Variants in KIAA0586 observed in about 807,000 individuals in gnomAD.
The protein encoded by KIAA0586 is KIAA0586, also known as protein TALPID3.
A neutral mutation model predicts 169.8 loss-of-function variants in KIAA0586; 144 were observed. That is an observed-to-expected ratio of 0.85 (90% confidence interval 0.74 to 0.97). The LOEUF (loss-of-function observed/expected upper bound fraction) is 0.97. Among genes scored for constraint, KIAA0586 ranks in the 50% least tolerant of loss-of-function variants. The probability of loss-of-function intolerance (pLI) is 0.00; values close to 1 mark genes in which losing one functional copy is unlikely to be tolerated. For missense variants in KIAA0586, 1,854 were observed against 1,823.0 expected (o/e 1.02, Z -0.31); for synonymous variants, 625 against 612.4 (o/e 1.02, Z -0.30).
the KIAA0586 span, among the ~76,000 whole-genome samples, chr14:58,557,969 G>C: frequency 7.6e-6 from 1 of 132,310 alleles, no homozygotes; most frequent in East Asian, 2.2e-4. Context: ...GAGTGCAGTG[G>C]TGTGATCTTG....
At chr14:58,468,433 T>A (rs2040943917) in intron 16 of KIAA0586, among the ~76,000 whole-genome samples, 1 of 152,222 alleles carries the variant, frequency 6.6e-6, no homozygotes, top group African/African-American at 2.4e-5. Context: ...TCTAGGCCAA[T>A]GACTTATATA....
At position 58,498,949 on chromosome 14, in the gene KIAA0586, A is replaced by G. The variant is rs1355163665; in HGVS notation, c.4157A>G (p.Asp1386Gly). Reference sequence around the variant, plus strand: ...CCTAAACCATTATCTCGGCAATTTGACACAGTTTCAGGTAGACACCAAAAT... The same window carrying G: ...CCTAAACCATTATCTCGGCAATTTGGCACAGTTTCAGGTAGACACCAAAAT... The part of the protein sequence containing the change: ...CDPKPLSRQF[D>G]TVSGSIYEDS... The change falls in exon 27 of 31, where the codon GAC becomes GGC. Residue 1386 changes from aspartate to glycine, a missense_variant. Coordinates refer to ENST00000652326, the MANE Select transcript of KIAA0586 (RefSeq NM_001329943.3). 1 of 1,600,336 alleles carries G rather than the reference A, an allele frequency of 6.2e-7. No individual in the cohort carries two copies. Among genetic ancestry groups the G allele is most frequent in the Non-Finnish European group, 8.5e-7 (1 of 1,173,258 alleles).
intron 1 of KIAA0586, among the ~76,000 whole-genome samples, chr14:58,428,700 A>AT (rs1220850578): frequency 1.5e-3 from 138 of 92,732 alleles, no homozygotes; most frequent in Middle Eastern, 5.9e-3. Context: ...ACTTTTGCAT[A>AT]TTTTTTTTTT....
Position 58,474,631 on chromosome 14 carries a change from C to G in KIAA0586, c.2659C>G (p.Pro887Ala), listed in dbSNP as rs774294270. The G allele has an allele frequency of 3.2e-6, 5 of 1,584,258 alleles. No individual in the cohort carries two copies. In the East Asian group the frequency reaches 1.1e-4, roughly 36 times the overall value. ...GGAAGAAGAAAAATGTGATGAAATTCCAGACTCTGAACCAATTCTGGAGTT... is the reference window on the plus strand; with the variant it reads ...GGAAGAAGAAAAATGTGATGAAATTGCAGACTCTGAACCAATTCTGGAGTT... ...IQEEEKCDEI[P>A]DSEPILEFNR... is the part of the protein sequence containing the mutation. Residue 887 changes from proline (P) to alanine (A), a missense_variant, in exon 19 of 31, where the codon CCA becomes GCA. Transcript: ENST00000652326.
intron 20 of KIAA0586, among the ~76,000 whole-genome samples, chr14:58,479,099 A>G (rs2041857080): frequency 6.6e-6 from 1 of 152,212 alleles, no homozygotes; most frequent in Non-Finnish European, 1.5e-5. Flanking sequence ...AGAAACTGCT[A>G]AACATTTCCA....
chr14:58,435,916 C>G (rs1423013461), intron 4 of KIAA0586, among the ~76,000 whole-genome samples: 1 of 152,062 alleles, frequency 6.6e-6, no homozygotes, highest in Non-Finnish European at 1.5e-5. Flanking sequence ...GCCATGTTAG[C>G]CAGGCTGGTC....
At position 58,427,863 on chromosome 14, in the gene KIAA0586, T is replaced by A. The variant is rs1173415204; in HGVS notation, c.-402T>A. Reference sequence around the variant, plus strand: ...AAAGCTATTACGCTTCTTATGTGGGTCATTATTTTAAAAATAGCATTTCGC... The same window carrying A: ...AAAGCTATTACGCTTCTTATGTGGGACATTATTTTAAAAATAGCATTTCGC... On this transcript the variant is annotated 5_prime_UTR_variant, in exon 1 of 31. Coordinates refer to ENST00000652326, the MANE Select transcript of KIAA0586 (RefSeq NM_001329943.3). The A allele has an allele frequency of 7.2e-7, 1 of 1,379,694 alleles. No homozygotes were observed. The highest frequency in any genetic ancestry group is 9.5e-7 in the Non-Finnish European group (1 of 1,052,472). 85.5% of individuals were successfully genotyped at this position (1,379,694 alleles called of 1,614,324 possible). A position where few individuals can be genotyped will look rare whatever the true frequency, so the allele number is the denominator to read the frequency against.
chr14:58,463,957 C>A, intron 14 of KIAA0586: 1 of 439,154 alleles, frequency 2.3e-6, no homozygotes. Context: ...AGACTGACCC[C>A]AAGACCTTGC....
chr14:58,428,652 C>T (rs1339690885), intron 1 of KIAA0586, among the ~76,000 whole-genome samples, 189 bp downstream of exon 1: 2 of 147,470 alleles, frequency 1.4e-5, no homozygotes, highest in African/African-American at 5.0e-5. Context: ...GAAACTTTAA[C>T]GTCCCCTGTT....
At chr14:58,470,537 A>G (rs1378043055) in intron 16 of KIAA0586, 76 bp from the exon 17 acceptor site, 5 of 805,056 alleles carry the variant, frequency 6.2e-6, no homozygotes, top group Non-Finnish European at 1.0e-5. Flanking sequence ...ACACATATAC[A>G]TGTATATACA....
intron 29 of KIAA0586, among the ~76,000 whole-genome samples, chr14:58,529,940 T>G (rs976610253): frequency 6.6e-6 from 1 of 152,180 alleles, no homozygotes; most frequent in Non-Finnish European, 1.5e-5. Context: ...GATGACAAGA[T>G]TGTATATTTA....
chr14:58,507,329 G>GATATATAA (rs1449611407), intron 27 of KIAA0586, among the ~76,000 whole-genome samples: 8 of 141,486 alleles, frequency 5.7e-5, no homozygotes, highest in Non-Finnish European at 9.1e-5. Context: ...ATTTATATAT[G>GATATATAA]ATATATAAAT....
Position 58,468,923 on chromosome 14 carries a change from C to T in KIAA0586, c.2442+1001C>T, listed in dbSNP as rs536801895. ...GAGTTTTCTTGGGCAACTTAGTATG[C>T]CCTCTGGGAAGAGAGAAGACTTGCC... On this transcript the variant is annotated intron_variant, in intron 16 of 30. Coordinates refer to ENST00000652326, the MANE Select transcript of KIAA0586 (RefSeq NM_001329943.3). Among the ~76,000 whole-genome samples, 72 of 152,264 alleles carry T rather than the reference C, an allele frequency of 4.7e-4. No individual in the cohort carries two copies. In the South Asian group the frequency reaches 0.015, roughly 32 times the overall value.
intron 29 of KIAA0586, chr14:58,521,139 CTCT>C (rs1204045329): frequency 1.3e-5 from 7 of 536,634 alleles, no homozygotes; most frequent in Non-Finnish European, 2.4e-5. Flanking sequence ...AGAATCGAAT[CTCT>C]TCTGCCTGCT....
chr14:58,526,980 C>A (rs759333489), intron 29 of KIAA0586, among the ~76,000 whole-genome samples: 6 of 151,992 alleles, frequency 3.9e-5, no homozygotes, highest in Non-Finnish European at 7.4e-5. Context: ...AAATTACTAA[C>A]TAGAATCACC....
chr14:58,555,557 T>C (rs1441921536), downstream of KIAA0586, among the ~76,000 whole-genome samples: 1 of 152,242 alleles, frequency 6.6e-6, no homozygotes, highest in Admixed American at 6.5e-5. Context: ...ACCTTTTCGG[T>C]TATAACTGGG....
chr14:58,467,359 T>G (rs912332141), intron 15 of KIAA0586, among the ~76,000 whole-genome samples: 1 of 152,316 alleles, frequency 6.6e-6, no homozygotes, highest in African/African-American at 2.4e-5. Flanking sequence ...GCAGAGGCAG[T>G]CTGGCTTTAT....
intron 29 of KIAA0586, chr14:58,521,298 C>T (rs1449536424): frequency 8.8e-7 from 1 of 1,141,906 alleles, no homozygotes; most frequent in Non-Finnish European, 1.3e-6. Flanking sequence ...TCTCAACACT[C>T]TTGTGCTCCA....
the KIAA0586 span, among the ~76,000 whole-genome samples, chr14:58,560,065 C>T: frequency 4.0e-5 from 6 of 151,350 alleles, no homozygotes; most frequent in East Asian, 1.9e-4. Flanking sequence ...GCAGGAGAAT[C>T]GCTTGAACCT....
Sources: allele counts gnomAD v4.1 joint callset (sites outside exome capture counted in the v4.1 genomes callset), GRCh38; gene constraint gnomAD v4.1.1; transcripts MANE v1.5; gene names NCBI Gene and HGNC (gene_info 2026-07-23, HGNC 2026-07-21).